The following MYLK variants were observed in gnomAD, a reference collection of about 807,000 sequenced individuals.
MYLK encodes the protein myosin light chain kinase, smooth muscle.
MYLK carries 106 observed loss-of-function variants against 203.4 expected under a neutral mutation model. The observed-to-expected ratio is 0.52, with a 90% CI of 0.45 to 0.61. The LOEUF is 0.61. MYLK is among the 20% of genes least tolerant of loss of function. The probability of loss-of-function intolerance (pLI) is 0.00; values close to 1 mark genes in which losing one functional copy is unlikely to be tolerated. For missense variants in MYLK, 2,072 were observed against 2,442.3 expected (o/e 0.85, Z 3.20); for synonymous variants, 867 against 959.5 (o/e 0.90, Z 1.78).
intron 4 of MYLK, among the ~76,000 whole-genome samples, chr3:123,770,156 CAAA>C (rs59411359): frequency 4.8e-4 from 40 of 83,942 alleles, no homozygotes; most frequent in African/African-American, 1.2e-3. Flanking sequence ...ACTAAAAATA[CAAA>C]AAAAAAAAAA....
At chr3:123,699,284 G>C (rs1365758721) in intron 18 of MYLK, among the ~76,000 whole-genome samples, 1 of 152,114 alleles carries the variant, frequency 6.6e-6, no homozygotes, top group Non-Finnish European at 1.5e-5. Flanking sequence ...TGGCTCCTCT[G>C]AAAACTCCAG....
chr3:123,749,159 G>A (rs1412616358), intron 5 of MYLK, among the ~76,000 whole-genome samples: 1 of 150,956 alleles, frequency 6.6e-6, no homozygotes, highest in Non-Finnish European at 1.5e-5. Flanking sequence ...CAGGCCTATA[G>A]TCCCAGCTAC....
intron 23 of MYLK, among the ~76,000 whole-genome samples, chr3:123,658,277 G>A (rs757169263): frequency 4.2e-4 from 64 of 152,202 alleles, no homozygotes; most frequent in Non-Finnish European, 6.9e-4. Flanking sequence ...AAAATGAGCT[G>A]AGGACACAAA....
At chr3:123,771,473 T>TC (rs2063880831) in intron 4 of MYLK, among the ~76,000 whole-genome samples, 1 of 152,218 alleles carries the variant, frequency 6.6e-6, no homozygotes, top group Non-Finnish European at 1.5e-5. Context: ...ATATTGTTTT[T>TC]CTCTTTGTAA....
Position 123,613,676 on chromosome 3 carries a change from T to G in MYLK, c.*429A>C. The G allele has an allele frequency of 4.6e-6, 1 of 219,080 alleles. No individual in the cohort carries two copies. Among genetic ancestry groups the G allele is most frequent in the South Asian group, 6.8e-5 (1 of 14,742 alleles). 13.6% of individuals were successfully genotyped at this position (219,080 alleles called of 1,614,324 possible). On this transcript the variant is annotated 3_prime_UTR_variant, in exon 34 of 34. Coordinates refer to ENST00000360304, the MANE Select transcript of MYLK (RefSeq NM_053025.4). ...TGGGAGAAAACCCAGTTCTCTAGAG[T>G]CAGGGGGTGGGGAGAGAGAGGCCTC...
chr3:123,786,319 A>G (rs1353598221), intron 4 of MYLK, among the ~76,000 whole-genome samples: 2 of 151,598 alleles, frequency 1.3e-5, no homozygotes, highest in African/African-American at 2.4e-5. Context: ...AAAAAAATTG[A>G]TAAAGAGTAA....
chr3:123,620,227 G>T lies in MYLK; in HGVS notation c.5348C>A (p.Ala1783Glu), dbSNP rs780478599. 6.2e-7 allele frequency: 1 copy of T among 1,613,934 alleles called. No homozygotes were observed. The highest frequency in any genetic ancestry group is 8.5e-7 in the Non-Finnish European group (1 of 1,179,990). ...STGSPTSPLNAEKLESEEDVS... is the reference protein window; with the variant it reads ...STGSPTSPLNEEKLESEEDVS... ...CTTACCTTCAGATTCTAGTTTTTCT[G>T]CATTGAGCGGGCTGGTTGGTGACCC... The change falls in exon 32 of 34, where the codon GCA becomes GAA. Residue 1783 changes from alanine (A) to glutamate (E), a missense_variant. Ala to Glu is a moderately radical substitution (Grantham distance 107). Transcript: ENST00000360304.
chr3:123,759,369 C>G (rs778442308), intron 4 of MYLK, among the ~76,000 whole-genome samples: 6 of 152,142 alleles, frequency 3.9e-5, no homozygotes, highest in Non-Finnish European at 8.8e-5. Flanking sequence ...CCCAGGAGAT[C>G]ACTCTTCTGT....
At chr3:123,694,549 G>C (rs1293814711) in intron 18 of MYLK, among the ~76,000 whole-genome samples, 1 of 152,162 alleles carries the variant, frequency 6.6e-6, no homozygotes, top group Non-Finnish European at 1.5e-5. Context: ...TTTCCCTCAA[G>C]TCAGGGTGGG....
chr3:123,736,313 C>CA (rs2062671552), intron 8 of MYLK, among the ~76,000 whole-genome samples: 1 of 151,666 alleles, frequency 6.6e-6, no homozygotes, highest in African/African-American at 2.4e-5. Flanking sequence ...ATACCCAGGC[C>CA]AAAAAAAGTA....
chr3:123,720,252 C>T lies in MYLK; in HGVS notation c.1804+1876G>A, dbSNP rs540937026. On this transcript the variant is annotated intron_variant, in intron 13 of 33. Coordinates refer to ENST00000360304, the MANE Select transcript of MYLK (RefSeq NM_053025.4). Reference sequence around the variant, plus strand: ...CCTTCAGGTCCCAGCCCCCACAGGCCCGGGAGTCAGGAGGATGGCCCTAAA... The same window carrying T: ...CCTTCAGGTCCCAGCCCCCACAGGCTCGGGAGTCAGGAGGATGGCCCTAAA... Among the ~76,000 whole-genome samples the T allele has an allele frequency of 2.6e-5, 4 of 152,284 alleles. No homozygotes were observed. In the East Asian group the frequency reaches 7.7e-4, roughly 29 times the overall value.
chr3:123,695,011 G>A (rs2060854809), intron 18 of MYLK, among the ~76,000 whole-genome samples: 1 of 152,222 alleles, frequency 6.6e-6, no homozygotes, highest in Non-Finnish European at 1.5e-5. Flanking sequence ...GCTCCGCCTG[G>A]GAGAGCCCCT....
At chr3:123,841,786 A>C (rs1325668940) in intron 2 of MYLK, among the ~76,000 whole-genome samples, 2 of 152,194 alleles carry the variant, frequency 1.3e-5, no homozygotes, top group East Asian at 3.8e-4. Flanking sequence ...TAGGGTTTAG[A>C]GAGTCTGAGA....
At chr3:123,826,934 C>T (rs979133686) in intron 3 of MYLK, among the ~76,000 whole-genome samples, 7 of 152,134 alleles carry the variant, frequency 4.6e-5, no homozygotes, top group African/African-American at 1.7e-4. Flanking sequence ...CTCTACAAAG[C>T]CTACTTCATA....
intron 29 of MYLK, 142 bp downstream of exon 29, chr3:123,637,929 G>A: frequency 7.9e-7 from 1 of 1,272,732 alleles, no homozygotes; most frequent in Admixed American, 2.0e-5. Context: ...TAGGAGGGGA[G>A]CCTGCCACCC....
In MYLK at chr3:123,708,724, C is replaced by T. The variant is rs189505310; in HGVS notation, c.2114G>A (p.Arg705His). The T allele has an allele frequency of 3.3e-5, 53 of 1,614,106 alleles. No individual in the cohort carries two copies. Among genetic ancestry groups the T allele is most frequent in the Non-Finnish European group, 3.5e-5 (41 of 1,180,016 alleles). ...TTGTACCGTGAGCACGGCCTGGGTG[C>T]GGACCTCTCCAGCGCTGTTCCAGGC... Reference protein sequence around the residue: ...CEAWNSAGEVRTQAVLTVQEP... With the variant: ...CEAWNSAGEVHTQAVLTVQEP... The change falls in exon 15 of 34, where the codon CGC becomes CAC. Residue 705 changes from arginine (R) to histidine (H), a missense_variant. Transcript: ENST00000360304.
At chr3:123,663,030 A>G (rs1396131808) in intron 23 of MYLK, among the ~76,000 whole-genome samples, 1 of 152,202 alleles carries the variant, frequency 6.6e-6, no homozygotes, top group Non-Finnish European at 1.5e-5. Context: ...AGGCTTTCAC[A>G]TGCACAACAT....
intron 4 of MYLK, among the ~76,000 whole-genome samples, chr3:123,778,809 G>T (rs1869863): frequency 0.066 from 10,070 of 152,212 alleles, 1,055 homozygotes; most frequent in African/African-American, 0.22. Context: ...TGTGTTCAAG[G>T]GCAGATTCCT....
chr3:123,697,445 T>C (rs2060976513), intron 18 of MYLK, among the ~76,000 whole-genome samples: 1 of 152,150 alleles, frequency 6.6e-6, no homozygotes, highest in Non-Finnish European at 1.5e-5. Flanking sequence ...GAGGAGTAAA[T>C]AGTCATTAGT....
Sources: gnomAD v4.1 joint callset for allele counts (sites outside exome capture counted in the v4.1 genomes callset) on GRCh38, gnomAD v4.1.1 for gene constraint, MANE v1.5 for transcripts, NCBI Gene and HGNC (gene_info 2026-07-23, HGNC 2026-07-21) for gene names.